Variants in LINGO2 observed in about 807,000 individuals in gnomAD.
LINGO2 encodes leucine-rich repeat and immunoglobulin-like domain-containing nogo receptor-interacting protein 2.
In LINGO2, 14 loss-of-function variants were observed where a neutral mutation model predicts 30.6. That is an observed-to-expected ratio of 0.46 (90% CI 0.30 to 0.72). The LOEUF (loss-of-function observed/expected upper bound fraction) is 0.72. LINGO2 is among the 30% of genes least tolerant of loss of function. The probability of loss-of-function intolerance (pLI) is 0.07; values close to 1 mark genes in which losing one functional copy is unlikely to be tolerated. For synonymous variants in LINGO2, 317 were observed against 288.5 expected, an observed-to-expected ratio of 1.10 and a Z score of -1.00; for missense variants, 729 against 751.7, an observed-to-expected ratio of 0.97 and a Z score of 0.35.
chr9:28,241,174 C>T (rs1269443549), intron 4 of LINGO2, among the ~76,000 whole-genome samples: 1 of 139,274 alleles, frequency 7.2e-6, no homozygotes, highest in East Asian at 2.2e-4. Flanking sequence ...GAGGCTGAGG[C>T]AGGAGAATTG....
chr9:28,447,190 C>T (rs1254540802), intron 2 of LINGO2, among the ~76,000 whole-genome samples: 4 of 152,290 alleles, frequency 2.6e-5, no homozygotes, highest in African/African-American at 9.6e-5. Flanking sequence ...ATAATTGCAA[C>T]TGTTAGGTCT....
chr9:28,705,698 C>T, the LINGO2 span, among the ~76,000 whole-genome samples: 1 of 152,066 alleles, frequency 6.6e-6, no homozygotes, highest in African/African-American at 2.4e-5. Flanking sequence ...GTGTGAGGGC[C>T]CCAGTATGAA....
At chr9:28,229,805 A>T (rs2133931678) in intron 4 of LINGO2, among the ~76,000 whole-genome samples, 1 of 152,012 alleles carries the variant, frequency 6.6e-6, no homozygotes, top group South Asian at 2.1e-4. Flanking sequence ...ATAAACGCTG[A>T]ACTTTGTTCC....
chr9:28,312,656 T>A (rs1348286607), intron 3 of LINGO2, among the ~76,000 whole-genome samples: 1 of 152,160 alleles, frequency 6.6e-6, no homozygotes, highest in East Asian at 1.9e-4. Context: ...CTAATAAAAA[T>A]GTATTTCTAC....
intron 3 of LINGO2, among the ~76,000 whole-genome samples, chr9:28,338,109 A>G (rs1017588868): frequency 2.6e-5 from 4 of 152,198 alleles, no homozygotes; most frequent in Non-Finnish European, 5.9e-5. Flanking sequence ...TGGCAAAGCC[A>G]CAGGAACAGA....
At chr9:28,754,537 A>G in the LINGO2 span, among the ~76,000 whole-genome samples, 102,740 of 151,834 alleles carry the variant, frequency 0.68, 35,542 homozygotes, top group Non-Finnish European at 0.75. Context: ...AAACATACCA[A>G]GTGATTGTCA....
At chr9:28,163,172 A>G (rs1828334590) in intron 4 of LINGO2, among the ~76,000 whole-genome samples, 1 of 152,208 alleles carries the variant, frequency 6.6e-6, no homozygotes, top group African/African-American at 2.4e-5. Flanking sequence ...AACTAGAGGC[A>G]GAAAACAATT....
chr9:28,816,400 A>T, the LINGO2 span, among the ~76,000 whole-genome samples: 1 of 152,240 alleles, frequency 6.6e-6, no homozygotes, highest in East Asian at 1.9e-4. Flanking sequence ...TCAATAAAAG[A>T]GTAATTGCTA....
chr9:29,144,751 G>C, the LINGO2 span, among the ~76,000 whole-genome samples: 1 of 152,062 alleles, frequency 6.6e-6, no homozygotes, highest in Non-Finnish European at 1.5e-5. Flanking sequence ...GTAGTGTGGA[G>C]AGATAATATG....
At chr9:28,030,802 C>T (rs1823628964) in intron 4 of LINGO2, among the ~76,000 whole-genome samples, 1 of 151,998 alleles carries the variant, frequency 6.6e-6, no homozygotes, top group Admixed American at 6.6e-5. Flanking sequence ...CAAAAAGTGG[C>T]AGGGAGTAAT....
chr9:28,881,770 A>G, the LINGO2 span, among the ~76,000 whole-genome samples: 2 of 152,110 alleles, frequency 1.3e-5, no homozygotes, highest in Non-Finnish European at 2.9e-5. Flanking sequence ...AGCATCCACT[A>G]GCTATTCTTC....
chr9:28,491,999 G>T (rs565356464), intron 1 of LINGO2, among the ~76,000 whole-genome samples: 1 of 152,292 alleles, frequency 6.6e-6, no homozygotes, highest in South Asian at 2.1e-4. Flanking sequence ...ATTATAAAGA[G>T]GAGATAGATC....
At chr9:28,473,720 C>T (rs1587721380) in intron 2 of LINGO2, among the ~76,000 whole-genome samples, 4 of 152,204 alleles carry the variant, frequency 2.6e-5, no homozygotes, top group Admixed American at 2.0e-4. Context: ...GGTCTCTCTA[C>T]ATTACTTAAG....
At chr9:28,264,136 T>A (rs1822663820) in intron 4 of LINGO2, among the ~76,000 whole-genome samples, 1 of 151,848 alleles carries the variant, frequency 6.6e-6, no homozygotes, top group Non-Finnish European at 1.5e-5. Flanking sequence ...AAATGGCTCA[T>A]TTGGATATTT....
chr9:28,804,568 A>AG, the LINGO2 span, among the ~76,000 whole-genome samples: 1 of 124,554 alleles, frequency 8.0e-6, no homozygotes, highest in Non-Finnish European at 1.9e-5. Context: ...CAAAAACAAA[A>AG]AAAAAACAGA....
At chr9:28,073,501 G>A (rs117712944) in intron 4 of LINGO2, among the ~76,000 whole-genome samples, 1 of 152,096 alleles carries the variant, frequency 6.6e-6, no homozygotes, top group South Asian at 2.1e-4. Context: ...TTCTTAGTGG[G>A]AATTAACCCT....
chr9:28,853,267 T>C, the LINGO2 span, among the ~76,000 whole-genome samples: 2 of 152,022 alleles, frequency 1.3e-5, no homozygotes, highest in African/African-American at 4.8e-5. Context: ...CAGGTGTTTA[T>C]TAGTCATGCA....
the LINGO2 span, among the ~76,000 whole-genome samples, chr9:28,927,910 A>T: frequency 6.6e-6 from 1 of 152,204 alleles, no homozygotes; most frequent in Admixed American, 6.5e-5. Context: ...TGATTCAGAG[A>T]CAAGCAGCCC....
rs867360141 is a variant in LINGO2 at position 28,201,926 on chromosome 9, A to G, written c.-87+93282T>C. Among the ~76,000 whole-genome samples, 7 of 152,116 alleles carry G rather than the reference A, an allele frequency of 4.6e-5. No individual in the cohort carries two copies. In the South Asian group the frequency reaches 1.5e-3, roughly 32 times the overall value. On this transcript the variant is annotated intron_variant, in intron 4 of 5. Transcript: ENST00000379992. Reference sequence around the variant, plus strand: ...CTTGCGATCTCCCTTCCTCTTTCTCATGAAGTTCAAAATCAAGGTGTTAGC... The same window carrying G: ...CTTGCGATCTCCCTTCCTCTTTCTCGTGAAGTTCAAAATCAAGGTGTTAGC...
Sources: gnomAD v4.1 joint callset for allele counts (sites outside exome capture counted in the v4.1 genomes callset) on GRCh38, gnomAD v4.1.1 for gene constraint, MANE v1.5 for transcripts, NCBI Gene and HGNC (gene_info 2026-07-23, HGNC 2026-07-21) for gene names.